FBXW7: variants seen among roughly 807,000 people sequenced by gnomAD.
FBXW7 encodes the protein F-box and WD repeat domain containing 7.
Under a neutral mutation model 86.3 loss-of-function variants are expected in FBXW7, and 11 were observed. The observed-to-expected ratio is 0.13, with a 90% CI of 0.08 to 0.21. FBXW7 has a LOEUF of 0.21. FBXW7 is among the 10% of genes least tolerant of loss of function. The pLI is 1.00. For synonymous variants in FBXW7, 313 were observed against 297.9 expected, an observed-to-expected ratio of 1.05 and a Z score of -0.52; for missense variants, 488 against 847.4, an observed-to-expected ratio of 0.58 and a Z score of 5.27.
intron 4 of FBXW7, among the ~76,000 whole-genome samples, chr4:152,401,793 T>A (rs145364332): frequency 6.6e-6 from 1 of 152,208 alleles, no homozygotes; most frequent in South Asian, 2.1e-4. Flanking sequence ...GGGAACTCTC[T>A]AGGCCTCTCA....
rs565998265 is a variant in FBXW7, at chr4:152,525,550, G to A, written c.-120+9391C>T. 6.2e-4 allele frequency among the ~76,000 whole-genome samples: 94 copies of A among 152,274 alleles called. 1 individual carries two copies. The South Asian group carries it at 0.018, about 29-fold the overall frequency. On this transcript the variant is annotated intron_variant, in intron 2 of 13. Coordinates refer to ENST00000281708, the MANE Select transcript of FBXW7 (RefSeq NM_001349798.2). ...TCCCACTTATAAGTGAGAACACGCG[G>A]TACTTGGTTTTCTGTTCCTGCATTA... is the stretch of plus-strand genomic sequence containing the variant.
intron 2 of FBXW7, among the ~76,000 whole-genome samples, chr4:152,525,712 T>C (rs1749447672): frequency 6.6e-6 from 1 of 152,220 alleles, no homozygotes; most frequent in Non-Finnish European, 1.5e-5. Flanking sequence ...CTGATGGGCA[T>C]TTAGATTGAT....
intron 2 of FBXW7, among the ~76,000 whole-genome samples, chr4:152,531,228 G>T (rs577896571): frequency 1.3e-5 from 2 of 152,134 alleles, no homozygotes; most frequent in African/African-American, 4.8e-5. Context: ...ACATGGCTTC[G>T]ACTGCACAAA....
At chr4:152,469,907 C>T (rs1044409979) in intron 2 of FBXW7, among the ~76,000 whole-genome samples, 3 of 152,002 alleles carry the variant, frequency 2.0e-5, no homozygotes, top group Admixed American at 6.6e-5. Context: ...TTAAGTAACA[C>T]GCAAAATATT....
intron 6 of FBXW7, among the ~76,000 whole-genome samples, chr4:152,345,559 C>T (rs1163472662): frequency 6.6e-6 from 1 of 151,884 alleles, no homozygotes; most frequent in Non-Finnish European, 1.5e-5. Flanking sequence ...GCGCCCCATC[C>T]CCTCAGTTAT....
At chr4:152,492,746 G>A (rs551130010) in intron 2 of FBXW7, among the ~76,000 whole-genome samples, 1 of 152,122 alleles carries the variant, frequency 6.6e-6, no homozygotes, top group African/African-American at 2.4e-5. Context: ...TGGACCAAGA[G>A]GCCGTGCTTT....
intron 2 of FBXW7, among the ~76,000 whole-genome samples, chr4:152,433,478 T>C (rs1240190447): frequency 6.6e-6 from 1 of 152,252 alleles, no homozygotes; most frequent in East Asian, 1.9e-4. Flanking sequence ...TGAGGACTTC[T>C]TCATGTATTA....
intron 2 of FBXW7, among the ~76,000 whole-genome samples, chr4:152,435,712 G>A (rs1204193377): frequency 6.6e-6 from 1 of 152,200 alleles, no homozygotes; most frequent in African/African-American, 2.4e-5. Context: ...CTGGACTGCA[G>A]TTTACTGCAC....
intron 2 of FBXW7, among the ~76,000 whole-genome samples, chr4:152,475,812 A>G (rs569647559): frequency 2.6e-5 from 4 of 152,312 alleles, no homozygotes; most frequent in African/African-American, 9.6e-5. Context: ...TGCATGCTGA[A>G]AACTATAAAG....
intron 4 of FBXW7, among the ~76,000 whole-genome samples, chr4:152,405,809 T>A (rs1040004700): frequency 6.6e-6 from 1 of 152,070 alleles, no homozygotes; most frequent in East Asian, 1.9e-4. Context: ...CACTTTTCTA[T>A]CCACTGACCA....
chr4:152,410,900 T>C (rs1056036775), intron 4 of FBXW7, among the ~76,000 whole-genome samples: 10 of 152,112 alleles, frequency 6.6e-5, no homozygotes, highest in Non-Finnish European at 1.5e-4. Context: ...TGCCTTAGAG[T>C]GACACTTGTG....
chr4:152,399,677 T>A (rs940285088), intron 4 of FBXW7, among the ~76,000 whole-genome samples: 1 of 152,048 alleles, frequency 6.6e-6, no homozygotes, highest in Non-Finnish European at 1.5e-5. Context: ...AAAAGTGAAA[T>A]CTGAAATGAC....
intron 11 of FBXW7, among the ~76,000 whole-genome samples, 155 bp from the exon 12 acceptor site, chr4:152,326,386 T>C (rs1049854441): frequency 7.9e-5 from 12 of 150,984 alleles, no homozygotes; most frequent in African/African-American, 2.7e-4. Context: ...AGAAATCCTA[T>C]GTAAAACCTT....
chr4:152,345,026 A>G (rs1731117361), intron 6 of FBXW7, among the ~76,000 whole-genome samples: 1 of 152,202 alleles, frequency 6.6e-6, no homozygotes, highest in Non-Finnish European at 1.5e-5. Flanking sequence ...AATCAGAATG[A>G]TATATGCTGT....
chr4:152,504,094 C>T (rs1046464763), intron 2 of FBXW7, among the ~76,000 whole-genome samples: 4 of 152,076 alleles, frequency 2.6e-5, no homozygotes, highest in Admixed American at 6.5e-5. Flanking sequence ...ACAAAAATGG[C>T]AGTATTCTTT....
chr4:152,489,796 C>T (rs568103736), intron 2 of FBXW7, among the ~76,000 whole-genome samples: 162 of 152,146 alleles, frequency 1.1e-3, no homozygotes, highest in African/African-American at 3.7e-3. Flanking sequence ...TTTATGCTTA[C>T]TACCCTCCCC....
intron 8 of FBXW7, among the ~76,000 whole-genome samples, chr4:152,331,547 G>A (rs1729567602): frequency 6.6e-6 from 1 of 151,998 alleles, no homozygotes; most frequent in South Asian, 2.1e-4. Context: ...TAAAAGGGTG[G>A]TTGCCAGAGG....
intron 2 of FBXW7, among the ~76,000 whole-genome samples, chr4:152,532,277 C>G (rs1462319303): frequency 6.6e-6 from 1 of 152,196 alleles, no homozygotes; most frequent in East Asian, 1.9e-4. Context: ...TAAGCATCTT[C>G]TTTTTCACTC....
chr4:152,433,033 G>C (rs951336708), intron 2 of FBXW7, among the ~76,000 whole-genome samples: 2 of 152,010 alleles, frequency 1.3e-5, no homozygotes, highest in African/African-American at 4.8e-5. Context: ...TACTGTTTTT[G>C]ATATTCGTGT....
Sources: gnomAD v4.1 joint callset for allele counts (sites outside exome capture counted in the v4.1 genomes callset) on GRCh38, gnomAD v4.1.1 for gene constraint, MANE v1.5 for transcripts, NCBI Gene and HGNC (gene_info 2026-07-23, HGNC 2026-07-21) for gene names.